The following PTPRK variants were observed in gnomAD, a reference collection of about 807,000 sequenced individuals.
PTPRK encodes the protein protein tyrosine phosphatase receptor type K, also known as receptor-type tyrosine-protein phosphatase kappa.
A neutral mutation model predicts 178.0 loss-of-function variants in PTPRK; 75 were observed. The observed-to-expected ratio is 0.42, with a 90% CI of 0.35 to 0.51. The LOEUF (loss-of-function observed/expected upper bound fraction) is 0.51. Ranked by LOEUF, PTPRK falls within the 20% of genes least tolerant of loss-of-function variation. The pLI, the probability that PTPRK is intolerant of heterozygous loss-of-function variation, is 0.02. For missense variants in PTPRK, 1,441 were observed against 1,797.8 expected (o/e 0.80, Z 3.59); for synonymous variants, 637 against 620.6 (o/e 1.03, Z -0.39).
chr6:128,427,053 C>A (rs965482362), intron 1 of PTPRK, among the ~76,000 whole-genome samples: 2 of 152,146 alleles, frequency 1.3e-5, no homozygotes, highest in African/African-American at 4.8e-5. Context: ...AGTTCCCCAT[C>A]ATGTGTTCTA....
In PTPRK at chr6:128,349,868, G is replaced by A. The variant is rs992275921; in HGVS notation, c.224-27558C>T. 3.3e-5 allele frequency among the ~76,000 whole-genome samples: 5 copies of A among 152,182 alleles called. No individual in the cohort carries two copies. The South Asian group carries it at 8.3e-4, about 25-fold the overall frequency. On this transcript the variant is annotated intron_variant, in intron 2 of 29. Coordinates refer to ENST00000368226, the MANE Select transcript of PTPRK (RefSeq NM_002844.4). ...TTTAATGATTATAGGAGACTTATGG[G>A]TCAGGTGACCACATAAGTCTTCCTC...
chr6:128,319,878 A>T (rs2128320017), intron 3 of PTPRK, among the ~76,000 whole-genome samples: 1 of 152,222 alleles, frequency 6.6e-6, no homozygotes, highest in East Asian at 1.9e-4. Flanking sequence ...TGATAAAAAC[A>T]TCAAACAAGT....
At chr6:128,237,748 G>A (rs1583629230) in intron 5 of PTPRK, among the ~76,000 whole-genome samples, 1 of 152,236 alleles carries the variant, frequency 6.6e-6, no homozygotes, top group East Asian at 1.9e-4. Flanking sequence ...TATTCTACGT[G>A]AAATGAAAAT....
chr6:128,399,813 T>G (rs866341967), intron 1 of PTPRK, among the ~76,000 whole-genome samples: 46 of 152,112 alleles, frequency 3.0e-4, no homozygotes, highest in African/African-American at 1.1e-3. Context: ...CAACTAGGAG[T>G]AGCTGTACAA....
At chr6:128,284,243 CT>C (rs751690873) in intron 3 of PTPRK, among the ~76,000 whole-genome samples, 35 of 152,306 alleles carry the variant, frequency 2.3e-4, no homozygotes, top group Admixed American at 2.0e-3. Flanking sequence ...TGATGTCTCT[CT>C]CCTGCTGTCA....
At chr6:128,218,788 T>C (rs539053418) in intron 6 of PTPRK, 134 bp downstream of exon 6, 104 of 834,046 alleles carry the variant, frequency 1.2e-4, no homozygotes, top group Middle Eastern at 7.1e-4. Context: ...TGAGAAATTG[T>C]ATGATGATAT....
intron 3 of PTPRK, among the ~76,000 whole-genome samples, chr6:128,290,014 G>A (rs1457178934): frequency 6.6e-6 from 1 of 152,020 alleles, no homozygotes; most frequent in East Asian, 1.9e-4. Context: ...CAATCAGATG[G>A]AAAACCATTC....
chr6:128,104,195 T>C (rs912265494), intron 7 of PTPRK, among the ~76,000 whole-genome samples: 2 of 152,200 alleles, frequency 1.3e-5, no homozygotes. Flanking sequence ...TCTAAAATCA[T>C]TTATATTTTA....
intron 5 of PTPRK, among the ~76,000 whole-genome samples, chr6:128,233,432 C>A (rs1382970626): frequency 6.6e-6 from 1 of 152,212 alleles, no homozygotes; most frequent in Non-Finnish European, 1.5e-5. Flanking sequence ...TTTAGACCAA[C>A]CGCTTTCACT....
At chr6:128,301,161 G>A (rs1429795517) in intron 3 of PTPRK, among the ~76,000 whole-genome samples, 1 of 152,154 alleles carries the variant, frequency 6.6e-6, no homozygotes, top group Admixed American at 6.5e-5. Context: ...TCCCCTAATG[G>A]AGGGTGGATA....
intron 1 of PTPRK, among the ~76,000 whole-genome samples, chr6:128,509,494 A>G (rs1417627195): frequency 6.6e-6 from 1 of 152,142 alleles, no homozygotes; most frequent in Non-Finnish European, 1.5e-5. Context: ...TCCCTTCTTC[A>G]GCATACACAC....
chr6:128,217,893 G>A (rs894445913), intron 6 of PTPRK, among the ~76,000 whole-genome samples: 1 of 152,088 alleles, frequency 6.6e-6, no homozygotes, highest in Non-Finnish European at 1.5e-5. Flanking sequence ...ACTTCTCCTC[G>A]AAGAGACTTA....
chr6:128,166,498 C>T (rs58301058), intron 7 of PTPRK, among the ~76,000 whole-genome samples: 292 of 151,640 alleles, frequency 1.9e-3, no homozygotes, highest in African/African-American at 6.6e-3. Flanking sequence ...ATAAGATAAT[C>T]GTATCAAATG....
At chr6:128,124,995 T>G (rs1023720359) in intron 7 of PTPRK, among the ~76,000 whole-genome samples, 24 of 152,348 alleles carry the variant, frequency 1.6e-4, no homozygotes, top group African/African-American at 5.5e-4. Flanking sequence ...TTCTCAAACC[T>G]GCTAAACTGC....
rs865979862 is a variant in PTPRK at position 128,026,067 on chromosome 6, T to C, written c.2195-16799A>G. Among the ~76,000 whole-genome samples, 13 of 152,284 alleles carry C rather than the reference T, an allele frequency of 8.5e-5. 2 individuals are homozygous for C. In the Middle Eastern group the frequency reaches 0.02, roughly 239 times the overall value. On this transcript the variant is annotated intron_variant, in intron 13 of 29. Transcript: ENST00000368226. The stretch of plus-strand genomic sequence containing the variant: ...ACAGAATTTTTCAAGGTATAGGCTT[T>C]AAAAAATTAAGAGAATCCCAAGAGA...
At chr6:128,121,842 C>T (rs1792519740) in intron 7 of PTPRK, among the ~76,000 whole-genome samples, 1 of 151,966 alleles carries the variant, frequency 6.6e-6, no homozygotes, top group African/African-American at 2.4e-5. Flanking sequence ...TTTTTCTGAA[C>T]TTAGCACTAT....
At chr6:128,068,462 C>G (rs1009700987) in intron 11 of PTPRK, among the ~76,000 whole-genome samples, 5 of 152,174 alleles carry the variant, frequency 3.3e-5, no homozygotes, top group Non-Finnish European at 5.9e-5. Flanking sequence ...ATTGTAGAAA[C>G]AGATGGCATT....
At chr6:128,476,558 T>C (rs1179702410) in intron 1 of PTPRK, among the ~76,000 whole-genome samples, 2 of 152,020 alleles carry the variant, frequency 1.3e-5, no homozygotes, top group African/African-American at 2.4e-5. Context: ...AGAAATAATA[T>C]GTATAAACAA....
intron 1 of PTPRK, among the ~76,000 whole-genome samples, chr6:128,479,829 T>C (rs1227908771): frequency 6.6e-6 from 1 of 152,172 alleles, no homozygotes; most frequent in African/African-American, 2.4e-5. Flanking sequence ...TGGTTTTTGG[T>C]TAAAATAAGC....
Sources: allele counts gnomAD v4.1 joint callset (sites outside exome capture counted in the v4.1 genomes callset), GRCh38; gene constraint gnomAD v4.1.1; transcripts MANE v1.5; gene names NCBI Gene and HGNC (gene_info 2026-07-23, HGNC 2026-07-21).